THSD7B: variants seen among roughly 807,000 people sequenced by gnomAD.
THSD7B encodes the protein thrombospondin type-1 domain-containing protein 7B.
Under a neutral mutation model 213.6 loss-of-function variants are expected in THSD7B, and 138 were observed. That is an observed-to-expected ratio of 0.65 (90% CI 0.56 to 0.74). The LOEUF (loss-of-function observed/expected upper bound fraction) is 0.74, where lower values mean the gene tolerates loss of function less well. Ranked by LOEUF, THSD7B falls within the 30% of genes least tolerant of loss-of-function variation. The pLI is 0.00. For synonymous variants in THSD7B, 742 were observed against 687.0 expected, an observed-to-expected ratio of 1.08 and a Z score of -1.25; for missense variants, 1,931 against 1,991.5, an observed-to-expected ratio of 0.97 and a Z score of 0.58.
At chr2:137,051,442 T>C (rs1012976901) in intron 2 of THSD7B, among the ~76,000 whole-genome samples, 5 of 152,220 alleles carry the variant, frequency 3.3e-5, no homozygotes, top group African/African-American at 1.2e-4. Flanking sequence ...TTATTTTAAT[T>C]ATTCCGTAGT....
At chr2:136,864,278 G>T (rs1473179684) in intron 1 of THSD7B, among the ~76,000 whole-genome samples, 1 of 152,244 alleles carries the variant, frequency 6.6e-6, no homozygotes, top group Non-Finnish European at 1.5e-5. Flanking sequence ...TACACACAGT[G>T]TGTTCTCTGG....
intron 12 of THSD7B, among the ~76,000 whole-genome samples, chr2:137,277,819 G>GGA (rs2104813474): frequency 1.3e-5 from 2 of 152,230 alleles, no homozygotes; most frequent in Admixed American, 1.3e-4. Context: ...AAGTGTGCAA[G>GGA]AGTGTGTGTG....
chr2:137,314,335 T>G (rs145829782), intron 12 of THSD7B, among the ~76,000 whole-genome samples: 8,512 of 152,290 alleles, frequency 0.056, 322 homozygotes, highest in East Asian at 0.1. Flanking sequence ...ACGTAGTTCT[T>G]GAGCCTTGGT....
intron 2 of THSD7B, among the ~76,000 whole-genome samples, chr2:137,006,980 C>T (rs776234418): frequency 6.6e-6 from 1 of 152,136 alleles, no homozygotes; most frequent in Non-Finnish European, 1.5e-5. Context: ...GTGCATTTTA[C>T]TGAAATCAGT....
intron 2 of THSD7B, among the ~76,000 whole-genome samples, chr2:136,895,444 C>G (rs1683939834): frequency 6.7e-6 from 1 of 149,302 alleles, no homozygotes; most frequent in African/African-American, 2.5e-5. Flanking sequence ...CTTTTTAATA[C>G]CATGTAAATG....
intron 2 of THSD7B, among the ~76,000 whole-genome samples, chr2:136,913,506 G>A (rs994370945): frequency 6.6e-6 from 1 of 152,214 alleles, no homozygotes; most frequent in Non-Finnish European, 1.5e-5. Flanking sequence ...AGGCCTTCAT[G>A]GCAGCCCCTC....
chr2:137,229,757 T>A (rs750954638), intron 7 of THSD7B, among the ~76,000 whole-genome samples: 2 of 152,188 alleles, frequency 1.3e-5, no homozygotes, highest in Non-Finnish European at 2.9e-5. Context: ...TCTCTGAGCC[T>A]CTGCTCTGAG....
chr2:136,958,922 A>T (rs1685170750), intron 2 of THSD7B, among the ~76,000 whole-genome samples: 1 of 152,168 alleles, frequency 6.6e-6, no homozygotes, highest in African/African-American at 2.4e-5. Context: ...CTTCTTGGAC[A>T]TAGAATGTGG....
At chr2:136,936,967 A>T (rs1464438450) in intron 2 of THSD7B, among the ~76,000 whole-genome samples, 1 of 152,176 alleles carries the variant, frequency 6.6e-6, no homozygotes, top group Non-Finnish European at 1.5e-5. Flanking sequence ...TGTAAAAATA[A>T]AAAAGATATA....
chr2:137,524,300 A>C (rs1680239147), intron 15 of THSD7B, among the ~76,000 whole-genome samples: 1 of 152,094 alleles, frequency 6.6e-6, no homozygotes, highest in African/African-American at 2.4e-5. Flanking sequence ...GAAATTCGTC[A>C]TGTGGAACTG....
chr2:137,253,315 T>C (rs1343548471), intron 10 of THSD7B, among the ~76,000 whole-genome samples: 2 of 152,204 alleles, frequency 1.3e-5, no homozygotes, highest in Non-Finnish European at 2.9e-5. Context: ...AATGTAGGTT[T>C]AGTGTGTGGA....
intron 15 of THSD7B, among the ~76,000 whole-genome samples, chr2:137,547,683 C>T (rs1403597342): frequency 6.6e-6 from 1 of 151,864 alleles, no homozygotes; most frequent in African/African-American, 2.4e-5. Flanking sequence ...TATGTTTTTC[C>T]TTTTTTTAAA....
chr2:137,137,155 T>G (rs1291967803), intron 5 of THSD7B, among the ~76,000 whole-genome samples: 1 of 152,202 alleles, frequency 6.6e-6, no homozygotes, highest in Non-Finnish European at 1.5e-5. Flanking sequence ...CTGTGATCAC[T>G]GAGGTGTAAT....
intron 5 of THSD7B, among the ~76,000 whole-genome samples, chr2:137,136,511 T>C (rs1679464923): frequency 6.6e-6 from 1 of 152,172 alleles, no homozygotes; most frequent in Admixed American, 6.5e-5. Flanking sequence ...TGAGTTCTGA[T>C]TGGTTGATGT....
At chr2:137,544,120 A>T (rs1260382739) in intron 15 of THSD7B, among the ~76,000 whole-genome samples, 1 of 151,766 alleles carries the variant, frequency 6.6e-6, no homozygotes, top group East Asian at 1.9e-4. Flanking sequence ...TAGGTATATA[A>T]CCAAGAAAAT....
intron 12 of THSD7B, among the ~76,000 whole-genome samples, chr2:137,381,205 GGGCTCTGGTAGAAACCTGGGT>G (rs1387903381): frequency 2.6e-5 from 4 of 152,262 alleles, no homozygotes; most frequent in Non-Finnish European, 5.9e-5. Context: ...TTGCTCAGAT[GGGCTCTGGTAGAAACCTGGGT>G]GGCAGTAGAT....
intron 5 of THSD7B, among the ~76,000 whole-genome samples, chr2:137,145,522 A>T (rs911062984): frequency 6.6e-6 from 1 of 151,966 alleles, no homozygotes; most frequent in African/African-American, 2.4e-5. Flanking sequence ...TGCCAAATTG[A>T]GTTCATTATT....
chr2:137,668,014 CATT>C (rs2104827454), intron 27 of THSD7B, among the ~76,000 whole-genome samples, 153 bp downstream of exon 27: 1 of 152,196 alleles, frequency 6.6e-6, no homozygotes, highest in African/African-American at 2.4e-5. Flanking sequence ...AATGAGGAAT[CATT>C]ATTTTTTTGT....
chr2:136,876,098 TTG>T (rs1683523068), intron 1 of THSD7B, among the ~76,000 whole-genome samples: 1 of 152,224 alleles, frequency 6.6e-6, no homozygotes, highest in Non-Finnish European at 1.5e-5. Context: ...CCTGGTGATT[TTG>T]TTTCATGAAA....
Sources: gnomAD v4.1 joint callset for allele counts (sites outside exome capture counted in the v4.1 genomes callset) on GRCh38, gnomAD v4.1.1 for gene constraint, MANE v1.5 for transcripts, NCBI Gene and HGNC (gene_info 2026-07-23, HGNC 2026-07-21) for gene names.